The following ABCB1 variants were observed in gnomAD, a reference collection of about 807,000 sequenced individuals.
ABCB1 encodes ATP binding cassette subfamily B member 1.
In ABCB1, 69 loss-of-function variants were observed where a neutral mutation model predicts 142.0. That is an observed-to-expected ratio of 0.49 (90% confidence interval 0.40 to 0.59). ABCB1 has a LOEUF of 0.59. Ranked by LOEUF, ABCB1 falls within the 20% of genes least tolerant of loss-of-function variation. The probability of loss-of-function intolerance (pLI) is 0.00; values close to 1 mark genes in which losing one functional copy is unlikely to be tolerated. For missense variants in ABCB1, 1,326 were observed against 1,554.7 expected, an observed-to-expected ratio of 0.85 and a Z score of 2.47; for synonymous variants, 532 against 539.2, an observed-to-expected ratio of 0.99 and a Z score of 0.18.
chr7:87,650,243 A>G (rs1425497474), intron 1 of ABCB1, among the ~76,000 whole-genome samples: 1 of 152,098 alleles, frequency 6.6e-6, no homozygotes, highest in African/African-American at 2.4e-5. Context: ...TCTGAGTCTT[A>G]GTTTTTTCAG....
At chr7:87,698,035 G>A (rs1203900626) in intron 1 of ABCB1, among the ~76,000 whole-genome samples, 2 of 152,222 alleles carry the variant, frequency 1.3e-5, no homozygotes, top group Admixed American at 1.3e-4. Context: ...GTGATGGAGA[G>A]AGATTAAGAG....
At chr7:87,614,853 G>T (rs1328050713) in intron 1 of ABCB1, among the ~76,000 whole-genome samples, 2 of 151,248 alleles carry the variant, frequency 1.3e-5, no homozygotes, top group Non-Finnish European at 3.0e-5. Context: ...TTTTTTGGTG[G>T]GGGGGGCCGG....
chr7:87,555,622 C>A (rs1355029906), intron 8 of ABCB1, among the ~76,000 whole-genome samples: 1 of 152,150 alleles, frequency 6.6e-6, no homozygotes. Context: ...CATAGCAACA[C>A]ATCATTAGTT....
intron 3 of ABCB1, among the ~76,000 whole-genome samples, chr7:87,590,071 A>C (rs917652044): frequency 6.6e-6 from 1 of 152,180 alleles, no homozygotes; most frequent in Non-Finnish European, 1.5e-5. Flanking sequence ...AGAGAGAATT[A>C]ATTCATTCAT....
intron 1 of ABCB1, among the ~76,000 whole-genome samples, chr7:87,620,095 T>C (rs1171913100): frequency 6.6e-6 from 1 of 152,184 alleles, no homozygotes; most frequent in Non-Finnish European, 1.5e-5. Context: ...AGATTTTTCT[T>C]GACATCATAG....
chr7:87,509,493 A>G lies in ABCB1; in HGVS notation c.3283-12T>C. 1 of 1,613,688 alleles carries G rather than the reference A, an allele frequency of 6.2e-7. No homozygotes were observed. Among genetic ancestry groups the G allele is most frequent in the South Asian group, 1.1e-5 (1 of 91,070 alleles). On this transcript the variant is annotated splice_polypyrimidine_tract_variant and intron_variant, in intron 25 of 27. Transcript: ENST00000622132. ...TTGCCATCAAGCAGCTGAAAACAAG[A>G]GTTCACAGATCAACTTCAGGACCAG... is the stretch of plus-strand genomic sequence containing the variant.
intron 23 of ABCB1, among the ~76,000 whole-genome samples, chr7:87,517,078 A>G (rs1381263907): frequency 6.6e-6 from 1 of 152,138 alleles, no homozygotes; most frequent in African/African-American, 2.4e-5. Flanking sequence ...TGCCTCTAAT[A>G]GTTATAAAAC....
At chr7:87,653,400 C>T (rs1823772991) in intron 1 of ABCB1, among the ~76,000 whole-genome samples, 1 of 152,082 alleles carries the variant, frequency 6.6e-6, no homozygotes, top group Admixed American at 6.6e-5. Flanking sequence ...TTCAAAACTC[C>T]ATACATAGTA....
intron 25 of ABCB1, among the ~76,000 whole-genome samples, chr7:87,511,196 C>G (rs1288402603): frequency 6.6e-6 from 1 of 152,070 alleles, no homozygotes; most frequent in East Asian, 1.9e-4. Flanking sequence ...TTAAGTAAAA[C>G]AAGTTTAGAT....
chr7:87,645,290 G>T (rs574201391), intron 1 of ABCB1, among the ~76,000 whole-genome samples: 45 of 151,802 alleles, frequency 3.0e-4, no homozygotes, highest in Non-Finnish European at 5.7e-4. Context: ...CATCATGTTG[G>T]CCAGGCAGGT....
chr7:87,596,419 C>T (rs756590275), intron 2 of ABCB1, among the ~76,000 whole-genome samples: 6 of 151,990 alleles, frequency 3.9e-5, no homozygotes, highest in East Asian at 1.9e-4. Flanking sequence ...AATAAATGCA[C>T]GCTAGAAAGC....
At chr7:87,599,700 G>C (rs539878014) in intron 2 of ABCB1, among the ~76,000 whole-genome samples, 2 of 152,206 alleles carry the variant, frequency 1.3e-5, no homozygotes, top group African/African-American at 4.8e-5. Context: ...TAGCAGACGA[G>C]GGTGACTACA....
intron 1 of ABCB1, among the ~76,000 whole-genome samples, chr7:87,673,825 T>G (rs1419176877): frequency 6.6e-6 from 1 of 152,228 alleles, no homozygotes; most frequent in Admixed American, 6.5e-5. Flanking sequence ...TGGTTCTTTC[T>G]CATGTGTGGG....
intron 3 of ABCB1, among the ~76,000 whole-genome samples, chr7:87,594,119 A>G (rs1280811723): frequency 3.9e-5 from 6 of 152,168 alleles, no homozygotes; most frequent in Admixed American, 2.6e-4. Flanking sequence ...AATGTTTTCT[A>G]TGTTGACTTT....
At position 87,595,783 on chromosome 7, in the gene ABCB1, CAGTT is replaced by C; in HGVS notation, c.96_99del (p.Thr33SerfsTer35). On this transcript the variant is annotated frameshift_variant, in exon 3 of 28. Transcript: ENST00000622132. LOFTEE classifies it high-confidence loss of function. ...AAACTCACCATTGAAAATACACTGA[CAGTT>C]GGTTTCTTTTCCTTCTTATCTTTTT... 6.2e-7 allele frequency: 1 copy of C among 1,610,822 alleles called. No individual in the cohort carries two copies.
chr7:87,626,023 T>TAG lies in ABCB1; in HGVS notation c.-330-24947_-330-24946dup, dbSNP rs201541879. On this transcript the variant is annotated intron_variant, in intron 1 of 28. Coordinates refer to the ABCB1 transcript ENST00000265724. ...ATGTATATGTACATATATATATATATAGAGAGAGAGAGAGAGAGAGAGATG... is the reference window on the plus strand; with the variant it reads ...ATGTATATGTACATATATATATATATAGAGAGAGAGAGAGAGAGAGAGAGATG... 1.4e-3 allele frequency among the ~76,000 whole-genome samples: 163 copies of TAG among 114,494 alleles called. 1 individual carries two copies. The highest frequency in any genetic ancestry group is 5.1e-3 in the East Asian group (19 of 3,706). 75.1% of individuals were successfully genotyped at this position (114,494 alleles called of 152,430 possible).
intron 9 of ABCB1, 80 bp downstream of exon 9, chr7:87,553,681 T>C (rs2129732056): frequency 6.9e-7 from 1 of 1,441,720 alleles, no homozygotes; most frequent in Non-Finnish European, 9.7e-7. Flanking sequence ...CAAAATATAT[T>C]CTTCTAAAGT....
At chr7:87,596,112 C>G (rs1045378886) in intron 2 of ABCB1, among the ~76,000 whole-genome samples, 2 of 151,930 alleles carry the variant, frequency 1.3e-5, no homozygotes, top group African/African-American at 4.8e-5. Flanking sequence ...ATACATACAC[C>G]CTTTGCAATT....
Position 87,549,527 on chromosome 7 carries a change from G to A in ABCB1, c.1555-9C>T. The A allele has an allele frequency of 6.2e-7, 1 of 1,614,158 alleles. No individual in the cohort carries two copies. Among genetic ancestry groups the A allele is most frequent in the South Asian group, 1.1e-5 (1 of 91,080 alleles). On this transcript the variant is annotated splice_polypyrimidine_tract_variant and intron_variant, in intron 13 of 27. Transcript: ENST00000622132. ...ACCAGGGTGTCAAATTTCTACCACAGAAAACCCAGAATGATTTAGCATAAG... is the reference window on the plus strand; with the variant it reads ...ACCAGGGTGTCAAATTTCTACCACAAAAAACCCAGAATGATTTAGCATAAG...
Sources: allele counts gnomAD v4.1 joint callset (sites outside exome capture counted in the v4.1 genomes callset), GRCh38; gene constraint gnomAD v4.1.1; transcripts MANE v1.5; gene names NCBI Gene and HGNC (gene_info 2026-07-23, HGNC 2026-07-21).